The following IGF2R variants were observed in gnomAD, a reference collection of about 807,000 sequenced individuals.
IGF2R encodes the protein cation-independent mannose-6-phosphate receptor.
Under a neutral mutation model 270.6 loss-of-function variants are expected in IGF2R, and 91 were observed. The ratio of observed to expected loss-of-function variants is 0.34; its 90% confidence interval spans 0.28 to 0.40. The LOEUF is 0.40. IGF2R is among the 10% of genes least tolerant of loss of function. The pLI is 1.00. For synonymous variants in IGF2R, 1,316 were observed against 1,258.9 expected, an observed-to-expected ratio of 1.05 and a Z score of -0.96; for missense variants, 2,805 against 3,188.3, an observed-to-expected ratio of 0.88 and a Z score of 2.90.
chr6:160,100,723 CCTT>C, intron 45 of IGF2R, among the ~76,000 whole-genome samples: 1 of 43,434 alleles, frequency 2.3e-5, no homozygotes, highest in Non-Finnish European at 4.7e-5. Context: ...CAGCAATTTC[CCTT>C]TTTTTTTTTT....
At chr6:160,053,229 T>G (rs569707772) in intron 19 of IGF2R, among the ~76,000 whole-genome samples, 2 of 152,170 alleles carry the variant, frequency 1.3e-5, no homozygotes, top group South Asian at 4.2e-4. Context: ...AGGAGATCAC[T>G]TGGACACACG....
Position 160,072,747 on chromosome 6 carries a change from T to C in IGF2R, c.4571-18T>C. ...GCTCCCTGGAGTCACTGTGTCCCCA[T>C]CTTCTTCCACCCTACAGGACACCTG... is the stretch of plus-strand genomic sequence containing the variant. On this transcript the variant is annotated intron_variant, in intron 32 of 47. Transcript: ENST00000356956. The C allele has an allele frequency of 6.2e-7, 1 of 1,614,158 alleles. No individual in the cohort carries two copies.
At chr6:159,986,035 G>A (rs1041097150) in intron 1 of IGF2R, among the ~76,000 whole-genome samples, 4 of 152,050 alleles carry the variant, frequency 2.6e-5, no homozygotes, top group African/African-American at 7.3e-5. Context: ...CTGGGACAAC[G>A]GACAGGGATC....
intron 44 of IGF2R, among the ~76,000 whole-genome samples, chr6:160,092,618 G>A (rs575516229): frequency 4.9e-4 from 74 of 152,312 alleles, no homozygotes; most frequent in Middle Eastern, 6.8e-3. Context: ...CCATTCCTTC[G>A]GGAGGGCAGA....
chr6:160,027,172 A>G lies in IGF2R; in HGVS notation c.647-13A>G. On this transcript the variant is annotated splice_polypyrimidine_tract_variant and intron_variant, in intron 5 of 47. Transcript: ENST00000356956. The stretch of plus-strand genomic sequence containing the variant: ...AACACCTAATCTGATTTAATGTAAT[A>G]CATGATTTTCAGACACACTACGAGA... 6.2e-7 allele frequency: 1 copy of G among 1,614,130 alleles called. No homozygotes were observed. Among genetic ancestry groups the G allele is most frequent in the Non-Finnish European group, 8.5e-7 (1 of 1,179,944 alleles).
At chr6:159,986,398 A>AT (rs1367635413) in intron 1 of IGF2R, among the ~76,000 whole-genome samples, 52 of 123,872 alleles carry the variant, frequency 4.2e-4, no homozygotes, top group African/African-American at 1.5e-3. Flanking sequence ...TGCCTGGCTA[A>AT]TTTTTGTGTG....
Position 160,085,555 on chromosome 6 carries a change from A to G in IGF2R, c.6205+424A>G, listed in dbSNP as rs146319804. 5.2e-3 allele frequency among the ~76,000 whole-genome samples: 786 copies of G among 152,272 alleles called. 2 individuals are homozygous for G. The highest frequency in any genetic ancestry group is 0.016 in the African/African-American group (651 of 41,552). On this transcript the variant is annotated intron_variant, in intron 41 of 47. Transcript: ENST00000356956. ...TACATCTTTGTAAAATGTCTTAACAATTTTTCACGGGAAATTGATCTTGTA... is the reference window on the plus strand; with the variant it reads ...TACATCTTTGTAAAATGTCTTAACAGTTTTTCACGGGAAATTGATCTTGTA...
intron 10 of IGF2R, among the ~76,000 whole-genome samples, chr6:160,040,305 C>G (rs922161074): frequency 6.6e-6 from 1 of 152,188 alleles, no homozygotes; most frequent in Non-Finnish European, 1.5e-5. Flanking sequence ...TTTGGAGATG[C>G]TGTACACAGC....
chr6:160,000,492 A>G (rs1047034031), intron 2 of IGF2R, among the ~76,000 whole-genome samples: 4 of 152,154 alleles, frequency 2.6e-5, no homozygotes, highest in African/African-American at 9.7e-5. Flanking sequence ...ACTCGGGATC[A>G]CAATTCATCA....
In IGF2R at chr6:160,043,210, T is replaced by C; in HGVS notation, c.1543T>C (p.Phe515Leu). ...SQTETEKKHFFINICHRVLQE... is the reference protein window; with the variant it reads ...SQTETEKKHFLINICHRVLQE... ...GACGGAAACAGAGAAGAAGCATTTT[T>C]TCATTAATATTTGTCACAGAGTGCT... is the stretch of plus-strand genomic sequence containing the variant. The change falls in exon 12 of 48, where the codon TTC (phenylalanine) becomes CTC (leucine). Residue 515 changes from phenylalanine (F) to leucine (L), a missense_variant. Coordinates refer to ENST00000356956, the MANE Select transcript of IGF2R (RefSeq NM_000876.4). 2 of 1,614,194 alleles carry C rather than the reference T, an allele frequency of 1.2e-6. No individual in the cohort carries two copies. Among genetic ancestry groups the C allele is most frequent in the Non-Finnish European group, 1.7e-6 (2 of 1,180,028 alleles).
rs757379767 is a variant in IGF2R at position 160,072,021 on chromosome 6, A to G, written c.4555A>G (p.Thr1519Ala). Residue 1519 changes from threonine to alanine, a missense_variant, in exon 32 of 48, where the codon ACC becomes GCC. Coordinates refer to ENST00000356956, the MANE Select transcript of IGF2R (RefSeq NM_000876.4). ...CAACGAGCATGATGACTGCCAGGTC[A>G]CCAACCCAAGCACAGGTGAGAGGTG... is the stretch of plus-strand genomic sequence containing the variant. The part of the protein sequence containing the change: ...KSNEHDDCQV[T>A]NPSTGHLFDL... The G allele has an allele frequency of 3.3e-5, 53 of 1,614,072 alleles. No individual in the cohort carries two copies. The highest frequency in any genetic ancestry group is 4.2e-5 in the Non-Finnish European group (50 of 1,180,040).
At chr6:160,033,235 C>A in intron 9 of IGF2R, 128 bp downstream of exon 9, 4 of 625,952 alleles carry the variant, frequency 6.4e-6, no homozygotes, top group African/African-American at 1.9e-5. Flanking sequence ...TTCCCTGCCT[C>A]AAGTAATTCT....
chr6:160,073,007 CCTG>C (rs1778776868), intron 33 of IGF2R, 123 bp downstream of exon 33: 11 of 1,425,674 alleles, frequency 7.7e-6, no homozygotes, highest in African/African-American at 1.4e-5. Context: ...GCTTTTGTCT[CCTG>C]CAGCAGTCAC....
At chr6:160,038,726 G>A (rs550781163) in intron 10 of IGF2R, among the ~76,000 whole-genome samples, 237 of 152,244 alleles carry the variant, frequency 1.6e-3, no homozygotes, top group African/African-American at 5.5e-3. Context: ...TGTCAGCTGC[G>A]CCCAGGAGGT....
chr6:160,083,181 C>T (rs1779023430), intron 39 of IGF2R, among the ~76,000 whole-genome samples: 1 of 152,158 alleles, frequency 6.6e-6, no homozygotes. Flanking sequence ...AACATGTGAG[C>T]AAAAGAATCT....
At chr6:160,020,567 A>T (rs1053447598) in intron 4 of IGF2R, among the ~76,000 whole-genome samples, 23 of 152,250 alleles carry the variant, frequency 1.5e-4, no homozygotes, top group African/African-American at 5.5e-4. Context: ...TATAGTAATC[A>T]AAACAGCTAG....
At chr6:159,997,777 G>A (rs139271877) in intron 2 of IGF2R, among the ~76,000 whole-genome samples, 46 of 152,294 alleles carry the variant, frequency 3.0e-4, no homozygotes, top group Middle Eastern at 3.4e-3. Context: ...TCTGAGAACC[G>A]GCCTCTGGCA....
intron 7 of IGF2R, among the ~76,000 whole-genome samples, chr6:160,032,339 T>C (rs893759093): frequency 1.3e-5 from 2 of 152,002 alleles, no homozygotes; most frequent in Non-Finnish European, 2.9e-5. Context: ...GGAAAAAAAA[T>C]AACAGTTTAG....
chr6:160,064,034 T>G (rs1194757403), intron 27 of IGF2R, among the ~76,000 whole-genome samples: 1 of 152,238 alleles, frequency 6.6e-6, no homozygotes, highest in East Asian at 1.9e-4. Context: ...TCATGCTGTT[T>G]CAGCAGTTGG....
Sources: gnomAD v4.1 joint callset for allele counts (sites outside exome capture counted in the v4.1 genomes callset) on GRCh38, gnomAD v4.1.1 for gene constraint, MANE v1.5 for transcripts, NCBI Gene and HGNC (gene_info 2026-07-23, HGNC 2026-07-21) for gene names.